COL28A1: variants seen among roughly 807,000 people sequenced by gnomAD.
COL28A1 encodes the protein collagen type XXVIII alpha 1 chain, also known as collagen alpha-1(XXVIII) chain.
A neutral mutation model predicts 150.2 loss-of-function variants in COL28A1; 161 were observed. The observed-to-expected ratio is 1.07, with a 90% confidence interval of 0.94 to 1.22. The LOEUF is 1.22. Ranked by LOEUF, COL28A1 falls within the 50% of genes most tolerant of loss-of-function variation. The probability of loss-of-function intolerance (pLI) is 0.00; values close to 1 mark genes in which losing one functional copy is unlikely to be tolerated. For synonymous variants in COL28A1, 552 were observed against 469.7 expected (o/e 1.18, Z -2.26); for missense variants, 1,617 against 1,388.3 (o/e 1.16, Z -2.62).
chr7:7,368,416 C>T (rs1237521437), intron 33 of COL28A1, among the ~76,000 whole-genome samples: 2 of 137,102 alleles, frequency 1.5e-5, no homozygotes, highest in Non-Finnish European at 2.9e-5. Flanking sequence ...CTAGGAATAC[C>T]CTTCCCCCTG....
chr7:7,362,870 A>C (rs1054503276), intron 33 of COL28A1, among the ~76,000 whole-genome samples: 2 of 151,734 alleles, frequency 1.3e-5, no homozygotes, highest in African/African-American at 2.4e-5. Flanking sequence ...TTTCTTTTTT[A>C]TTTTTTATAG....
At chr7:7,427,935 A>T (rs1004089862) in intron 25 of COL28A1, among the ~76,000 whole-genome samples, 1 of 152,146 alleles carries the variant, frequency 6.6e-6, no homozygotes, top group Non-Finnish European at 1.5e-5. Flanking sequence ...TGATTTATTC[A>T]TCCATTTAGT....
chr7:7,541,248 A>G, the COL28A1 span, among the ~76,000 whole-genome samples: 1 of 152,146 alleles, frequency 6.6e-6, no homozygotes, highest in African/African-American at 2.4e-5. Context: ...TTCTGCCCTT[A>G]GAAATTCTAT....
chr7:7,345,557 T>A, the COL28A1 span, among the ~76,000 whole-genome samples: 1 of 152,046 alleles, frequency 6.6e-6, no homozygotes, highest in Non-Finnish European at 1.5e-5. Context: ...TACCTTCAGT[T>A]TTTGTTTTTT....
At chr7:7,346,638 A>T in the COL28A1 span, among the ~76,000 whole-genome samples, 2 of 152,120 alleles carry the variant, frequency 1.3e-5, no homozygotes. Flanking sequence ...ATCAAATGAT[A>T]CCATTGAATT....
At chr7:7,416,293 T>G (rs1237150717) in intron 27 of COL28A1, among the ~76,000 whole-genome samples, 1 of 152,206 alleles carries the variant, frequency 6.6e-6, no homozygotes, top group East Asian at 1.9e-4. Flanking sequence ...AGACACAGCA[T>G]AACCCTGAGG....
chr7:7,385,957 T>G (rs1264460770), intron 27 of COL28A1, among the ~76,000 whole-genome samples: 1 of 152,224 alleles, frequency 6.6e-6, no homozygotes, highest in Non-Finnish European at 1.5e-5. Context: ...TGCTATCCAA[T>G]CAGACTTTTC....
Position 7,396,597 on chromosome 7 carries a change from G to A in COL28A1, c.2137-14985C>T, listed in dbSNP as rs138823492. On this transcript the variant is annotated intron_variant, in intron 27 of 34. Coordinates refer to ENST00000399429, the MANE Select transcript of COL28A1 (RefSeq NM_001037763.3). Reference sequence around the variant, plus strand: ...CTAATGGGGACTAAGACGGCCTAATGCTTGTTCAATAAAGCACCCTATTTG... The same window carrying A: ...CTAATGGGGACTAAGACGGCCTAATACTTGTTCAATAAAGCACCCTATTTG... Among the ~76,000 whole-genome samples the A allele has an allele frequency of 2.1e-3, 323 of 152,242 alleles. 1 individual carries two copies. Among genetic ancestry groups the A allele is most frequent in the African/African-American group, 7.6e-3 (315 of 41,528 alleles).
intron 27 of COL28A1, among the ~76,000 whole-genome samples, chr7:7,388,541 T>G (rs1228778178): frequency 6.6e-6 from 1 of 152,176 alleles, no homozygotes; most frequent in Non-Finnish European, 1.5e-5. Flanking sequence ...GATTGCTGGG[T>G]CAAATGGTAT....
At chr7:7,511,674 C>A (rs1232866876) in intron 8 of COL28A1, 2 of 463,632 alleles carry the variant, frequency 4.3e-6, no homozygotes, top group African/African-American at 2.0e-5. Context: ...GTAGTGTTCA[C>A]CTGGAGAACC....
rs60871237 is a variant in COL28A1, at chr7:7,532,736, ATTT to A, written c.124+13_124+15del. On this transcript the variant is annotated intron_variant, in intron 2 of 34. Transcript: ENST00000399429. ...AACAGGCTAAACTTAAAAACAAACA[ATTT>A]TTTTTTTTTTACCCTGGACATCACT... 1.1e-5 allele frequency: 14 copies of A among 1,234,262 alleles called. No homozygotes were observed. The highest frequency in any genetic ancestry group is 4.7e-5 in the Admixed American group (2 of 42,200). The allele number at this position is 1,234,262 out of a possible 1,614,324, so 76.5% of individuals were successfully genotyped here.
At chr7:7,514,358 T>A (rs2115164158) in intron 8 of COL28A1, among the ~76,000 whole-genome samples, 1 of 152,302 alleles carries the variant, frequency 6.6e-6, no homozygotes, top group Admixed American at 6.5e-5. Flanking sequence ...CTCCAACCAC[T>A]CTGTAAATTA....
intron 13 of COL28A1, among the ~76,000 whole-genome samples, chr7:7,480,056 A>C (rs1359024007): frequency 6.6e-6 from 1 of 152,222 alleles, no homozygotes; most frequent in Non-Finnish European, 1.5e-5. Flanking sequence ...AAACCAGCAC[A>C]CTACAGACAC....
At chr7:7,487,863 T>C (rs1427501138) in intron 13 of COL28A1, among the ~76,000 whole-genome samples, 2 of 152,164 alleles carry the variant, frequency 1.3e-5, no homozygotes, top group Non-Finnish European at 1.5e-5. Context: ...TTCTGCCTAT[T>C]GGAACACTCC....
At chr7:7,375,421 G>T in intron 31 of COL28A1, 40 bp downstream of exon 31, 1 of 1,546,630 alleles carries the variant, frequency 6.5e-7, no homozygotes. Flanking sequence ...TAGTGGGGCT[G>T]ATGCTTTAAA....
At chr7:7,530,593 C>A (rs1243342281) in intron 3 of COL28A1, among the ~76,000 whole-genome samples, 1 of 152,138 alleles carries the variant, frequency 6.6e-6, no homozygotes, top group Non-Finnish European at 1.5e-5. Flanking sequence ...GGCGTTTTCT[C>A]CTTGAGAAAT....
At chr7:7,494,946 G>C (rs1416175188) in intron 11 of COL28A1, among the ~76,000 whole-genome samples, 2 of 152,128 alleles carry the variant, frequency 1.3e-5, no homozygotes, top group Admixed American at 6.6e-5. Context: ...GAAGAAGAAA[G>C]AGCATGAGGC....
intron 33 of COL28A1, among the ~76,000 whole-genome samples, chr7:7,367,434 T>C (rs1402781500): frequency 1.3e-5 from 2 of 152,134 alleles, no homozygotes; most frequent in African/African-American, 4.8e-5. Context: ...GGTGCTTCTT[T>C]AAAAAGAGCC....
At chr7:7,390,493 A>T (rs1782475697) in intron 27 of COL28A1, among the ~76,000 whole-genome samples, 1 of 152,088 alleles carries the variant, frequency 6.6e-6, no homozygotes, top group Non-Finnish European at 1.5e-5. Flanking sequence ...ATATCAGGAT[A>T]ATGCCGGCCT....
Sources: gnomAD v4.1 joint callset for allele counts (sites outside exome capture counted in the v4.1 genomes callset) on GRCh38, gnomAD v4.1.1 for gene constraint, MANE v1.5 for transcripts, NCBI Gene and HGNC (gene_info 2026-07-23, HGNC 2026-07-21) for gene names.